NLE1: variants seen among roughly 807,000 people sequenced by gnomAD.
The protein encoded by NLE1 is notchless homolog 1.
Under a neutral mutation model 62.8 loss-of-function variants are expected in NLE1, and 37 were observed. The ratio of observed to expected loss-of-function variants is 0.59; its 90% CI spans 0.45 to 0.78. NLE1 has a LOEUF of 0.78. NLE1 is among the 30% of genes least tolerant of loss of function. The pLI is 0.00. For synonymous variants in NLE1, 243 were observed against 253.0 expected, an observed-to-expected ratio of 0.96 and a Z score of 0.37; for missense variants, 555 against 637.9, an observed-to-expected ratio of 0.87 and a Z score of 1.40.
chr17:35,135,471 C>T lies in NLE1; in HGVS notation c.1012-20G>A. 6.2e-7 allele frequency: 1 copy of T among 1,612,520 alleles called. No homozygotes were observed. The highest frequency in any genetic ancestry group is 8.5e-7 in the Non-Finnish European group (1 of 1,178,820). On this transcript the variant is annotated intron_variant, in intron 9 of 12. Coordinates refer to ENST00000442241, the MANE Select transcript of NLE1 (RefSeq NM_018096.5). The stretch of plus-strand genomic sequence containing the variant: ...CTGGCCCTAGGGGAGGCAGAAAGCA[C>T]ACTGTGTTGGGTGTGGTCTCAGAAA...
At position 35,129,659 on chromosome 17, in the gene NLE1, G is replaced by A. The variant is rs2091864583; in HGVS notation, c.*2778C>T. ...GGGGAAGTGGTGCAAGCCCTACAAA[G>A]TGAGCCCTGGGAAAAGAGGGGCCTT... On this transcript the variant is annotated 3_prime_UTR_variant, in exon 13 of 13. Transcript: ENST00000442241. 1 of 1,613,344 alleles carries A rather than the reference G, an allele frequency of 6.2e-7. No homozygotes were observed. The highest frequency in any genetic ancestry group is 8.5e-7 in the Non-Finnish European group (1 of 1,179,804).
intron 3 of NLE1, 113 bp from the exon 4 acceptor site, chr17:35,139,427 A>G: frequency 1.2e-6 from 1 of 850,664 alleles, no homozygotes; most frequent in Non-Finnish European, 1.9e-6. Flanking sequence ...CCTGGAAGGG[A>G]GAAAGACAAT....
intron 2 of NLE1, among the ~76,000 whole-genome samples, chr17:35,141,344 G>A (rs983795242): frequency 1.3e-5 from 2 of 152,058 alleles, no homozygotes; most frequent in African/African-American, 2.4e-5. Context: ...TCAAGAGATC[G>A]AGACCATCCT....
Position 35,133,216 on chromosome 17 carries a change from T to A in NLE1, c.1400A>T (p.Asp467Val). ...DEVYAVDWSP[D>V]GQRVASGGKD... is the part of the protein sequence containing the mutation. ...CCCACCACTTGCCACTCTCTGGCCA[T>A]CTGGACTCCAGTCAACAGCATATAC... Residue 467 changes from aspartate (D) to valine (V), a missense_variant, in exon 12 of 13, where the codon GAT becomes GTT. Physicochemically the swap from Asp to Val is radical, Grantham distance 152. Transcript: ENST00000442241. The A allele has an allele frequency of 6.2e-7, 1 of 1,614,226 alleles. No homozygotes were observed. Among genetic ancestry groups the A allele is most frequent in the Non-Finnish European group, 8.5e-7 (1 of 1,180,046 alleles).
intron 2 of NLE1, among the ~76,000 whole-genome samples, chr17:35,140,805 G>T (rs1286514942): frequency 6.6e-6 from 1 of 152,012 alleles, no homozygotes; most frequent in South Asian, 2.1e-4. Context: ...GGCTAAGCTG[G>T]TCTCGAACTC....
chr17:35,129,429 G>T lies in NLE1; in HGVS notation c.*3008C>A. The T allele has an allele frequency of 6.2e-7, 1 of 1,613,464 alleles. No homozygotes were observed. The highest frequency in any genetic ancestry group is 1.1e-5 in the South Asian group (1 of 91,068). ...GGCTCTCTCTTCCCCTAGATTTCCT[G>T]GACCTACGCCTTGGGCAAGCAGCCG... On this transcript the variant is annotated 3_prime_UTR_variant, in exon 13 of 13. Transcript: ENST00000442241.
At position 35,130,208 on chromosome 17, in the gene NLE1, G is replaced by C; in HGVS notation, c.*2229C>G. ...TGAGTCAGCAGACAGAAAAAAAAGG[G>C]GTGATAGAGACAGAGAGAGAGCCAG... is the stretch of plus-strand genomic sequence containing the variant. On this transcript the variant is annotated 3_prime_UTR_variant, in exon 13 of 13. Coordinates refer to ENST00000442241, the MANE Select transcript of NLE1 (RefSeq NM_018096.5). 8 of 1,555,376 alleles carry C rather than the reference G, an allele frequency of 5.1e-6. No homozygotes were observed. The highest frequency in any genetic ancestry group is 2.7e-5 in the African/African-American group (2 of 72,880).
Position 35,131,800 on chromosome 17 carries a change from G to A in NLE1, c.*637C>T, listed in dbSNP as rs1476640458. 6.6e-6 allele frequency: 1 copy of A among 152,354 alleles called. No individual in the cohort carries two copies. Among genetic ancestry groups the A allele is most frequent in the African/African-American group, 2.4e-5 (1 of 41,480 alleles). The allele number at this position is 152,354 out of a possible 1,614,324, so 9.4% of individuals were successfully genotyped here. A position where few individuals can be genotyped will look rare whatever the true frequency, so the allele number is the denominator to read the frequency against. ...TGGAGGCCTTACCCAGTGCGATGGA[G>A]GAACTGCACTTCTATTTCATGCCAG... On this transcript the variant is annotated 3_prime_UTR_variant, in exon 13 of 13. Transcript: ENST00000442241.
intron 7 of NLE1, 76 bp downstream of exon 7, chr17:35,136,925 T>G (rs73989545): frequency 2.4e-5 from 32 of 1,349,334 alleles, no homozygotes; most frequent in Non-Finnish European, 3.0e-5. Flanking sequence ...CTCGCTGATG[T>G]CAAGGTCATT....
Position 35,129,690 on chromosome 17 carries a change from T to G in NLE1, c.*2747A>C. On this transcript the variant is annotated 3_prime_UTR_variant, in exon 13 of 13. Coordinates refer to ENST00000442241, the MANE Select transcript of NLE1 (RefSeq NM_018096.5). The stretch of plus-strand genomic sequence containing the variant: ...CCTGGGAAAAGAGGGGCCTTGGGGG[T>G]GGAGAGAAGTCCAAAGCCAGGGAAC... 1 of 1,602,382 alleles carries G rather than the reference T, an allele frequency of 6.2e-7. No homozygotes were observed. Among genetic ancestry groups the G allele is most frequent in the Non-Finnish European group, 8.5e-7 (1 of 1,175,346 alleles).
Position 35,135,310 on chromosome 17 carries a change from G to C in NLE1, c.1153C>G (p.Arg385Gly). The part of the protein sequence containing the change: ...INQVLFSPDS[R>G]IVASASFDKS... ...TCAAAGGAGGCACTAGCCACGATGC[G>C]GGAGTCAGGAGAGAAGAGCACCTGG... The change falls in exon 10 of 13, where the codon CGC becomes GGC. Residue 385 changes from arginine (R) to glycine (G), a missense_variant. By Grantham distance (125) the Arg-to-Gly change is moderately radical. Coordinates refer to ENST00000442241, the MANE Select transcript of NLE1 (RefSeq NM_018096.5). 1.2e-6 allele frequency: 2 copies of C among 1,614,154 alleles called. No homozygotes were observed. Among genetic ancestry groups the C allele is most frequent in the Non-Finnish European group, 1.7e-6 (2 of 1,180,022 alleles).
chr17:35,134,582 T>G (rs888148364), intron 10 of NLE1, among the ~76,000 whole-genome samples: 1 of 152,114 alleles, frequency 6.6e-6, no homozygotes, highest in Non-Finnish European at 1.5e-5. Context: ...GTATTTTTAG[T>G]AGAGACAGGG....
intron 2 of NLE1, among the ~76,000 whole-genome samples, chr17:35,140,385 C>T (rs866609567): frequency 1.3e-5 from 2 of 151,882 alleles, no homozygotes; most frequent in Non-Finnish European, 2.9e-5. Flanking sequence ...CCCATCACCA[C>T]GCCTGGCTAA....
chr17:35,132,786 A>G (rs2091884787), intron 12 of NLE1, among the ~76,000 whole-genome samples: 1 of 152,220 alleles, frequency 6.6e-6, no homozygotes, highest in South Asian at 2.1e-4. Flanking sequence ...TGATTAACCA[A>G]GTTCTCTGTG....
At chr17:35,136,034 G>C (rs545022090) in intron 9 of NLE1, 135 bp downstream of exon 9, 2 of 799,306 alleles carry the variant, frequency 2.5e-6, no homozygotes, top group Non-Finnish European at 4.0e-6. Flanking sequence ...TTGCAAACTA[G>C]GATTATGAAG....
In NLE1 at chr17:35,137,084, C is replaced by G; in HGVS notation, c.745G>C (p.Val249Leu). ...TCCCCTCCCCACCGGAGACAGGTGA[C>G]CGACTGGGTGTGCCCGGTGAGGATG... Reference protein sequence around the residue: ...ERILTGHTQSVTCLRWGGDGL... With the variant: ...ERILTGHTQSLTCLRWGGDGL... Residue 249 changes from valine (V) to leucine (L), a missense_variant, in exon 7 of 13, where the codon GTC becomes CTC. By Grantham distance (32) the Val-to-Leu change is conservative (BLOSUM62 1). Coordinates refer to ENST00000442241, the MANE Select transcript of NLE1 (RefSeq NM_018096.5). The G allele has an allele frequency of 6.2e-7, 1 of 1,614,038 alleles. No individual in the cohort carries two copies. Among genetic ancestry groups the G allele is most frequent in the Non-Finnish European group, 8.5e-7 (1 of 1,179,994 alleles).
rs1263601225 is a variant in NLE1, at chr17:35,129,870, T to C, written c.*2567A>G. On this transcript the variant is annotated 3_prime_UTR_variant, in exon 13 of 13. Transcript: ENST00000442241. ...GGGGCCCACTAGGAATGCAAACGAA[T>C]GTATTTTTCAACATCACTATAATGT... 30 of 1,417,784 alleles carry C rather than the reference T, an allele frequency of 2.1e-5. 1 individual carries two copies. The East Asian group carries it at 7.7e-4, about 36-fold the overall frequency. 87.8% of individuals were successfully genotyped at this position (1,417,784 alleles called of 1,614,324 possible).
intron 5 of NLE1, 86 bp downstream of exon 5, chr17:35,137,728 C>G: frequency 2.5e-6 from 3 of 1,184,532 alleles, no homozygotes; most frequent in Non-Finnish European, 3.7e-6. Flanking sequence ...ACCCAACCCT[C>G]CCCAAAGACT....
chr17:35,134,312 T>C (rs1337215039), intron 10 of NLE1, among the ~76,000 whole-genome samples: 1 of 152,158 alleles, frequency 6.6e-6, no homozygotes, highest in Non-Finnish European at 1.5e-5. Flanking sequence ...ACCACAAGCC[T>C]ACCTACCACC....
Sources: gnomAD v4.1 joint callset for allele counts (sites outside exome capture counted in the v4.1 genomes callset) on GRCh38, gnomAD v4.1.1 for gene constraint, MANE v1.5 for transcripts, NCBI Gene and HGNC (gene_info 2026-07-23, HGNC 2026-07-21) for gene names.